Variants in NCMAP observed in about 807,000 individuals in gnomAD.
NCMAP encodes noncompact myelin-associated protein.
A neutral mutation model predicts 7.8 loss-of-function variants in NCMAP; 8 were observed. The observed-to-expected ratio is 1.02, with a 90% CI of 0.60 to 1.84. The LOEUF is 1.84. Ranked by LOEUF, NCMAP falls within the 40% of genes most tolerant of loss-of-function variation. The pLI is 0.00. For synonymous variants in NCMAP, 41 were observed against 52.9 expected, an observed-to-expected ratio of 0.78 and a Z score of 0.98; for missense variants, 112 against 131.4, an observed-to-expected ratio of 0.85 and a Z score of 0.72.
intron 1 of NCMAP, among the ~76,000 whole-genome samples, chr1:24,587,245 G>A (rs1287858241): frequency 1.3e-5 from 2 of 152,182 alleles, no homozygotes; most frequent in South Asian, 2.1e-4. Context: ...ACCATCACCC[G>A]AAGGCTTGTT....
At position 24,607,411 on chromosome 1, in the gene NCMAP, A is replaced by G. The variant is rs1468723426; in HGVS notation, c.*1664A>G. 1 of 152,110 alleles carries G rather than the reference A, an allele frequency of 6.6e-6. No homozygotes were observed. The highest frequency in any genetic ancestry group is 1.5e-5 in the Non-Finnish European group (1 of 68,024). The allele number at this position is 152,110 out of a possible 1,614,324, so 9.4% of individuals were successfully genotyped here. A position where few individuals can be genotyped will look rare whatever the true frequency, so the allele number is the denominator to read the frequency against. On this transcript the variant is annotated 3_prime_UTR_variant, in exon 4 of 4. Coordinates refer to ENST00000374392, the MANE Select transcript of NCMAP (RefSeq NM_001010980.5). ...AACATATCTTGCAATTGATGGGTTC[A>G]TTAATATAATTGTAGTTCTTTACTT...
At chr1:24,605,249 CAAT>C (rs1294634814) in intron 3 of NCMAP, among the ~76,000 whole-genome samples, 1 of 151,972 alleles carries the variant, frequency 6.6e-6, no homozygotes, top group African/African-American at 2.4e-5. Flanking sequence ...ATATTTCTAG[CAAT>C]AAACTTAGCA....
intron 1 of NCMAP, among the ~76,000 whole-genome samples, chr1:24,572,769 G>T (rs1465089744): frequency 4.0e-5 from 6 of 150,666 alleles, no homozygotes; most frequent in Admixed American, 3.9e-4. Context: ...CGCACGTTCC[G>T]CACGTCCTAA....
At chr1:24,592,004 G>T (rs540229423) in intron 1 of NCMAP, among the ~76,000 whole-genome samples, 5 of 152,348 alleles carry the variant, frequency 3.3e-5, no homozygotes, top group African/African-American at 9.6e-5. Context: ...TCAGAGCTGG[G>T]AGAGCAGGAA....
chr1:24,579,795 A>G (rs1017498753), intron 1 of NCMAP, among the ~76,000 whole-genome samples: 2 of 152,236 alleles, frequency 1.3e-5, no homozygotes, highest in Non-Finnish European at 2.9e-5. Context: ...GAGCTTGTCA[A>G]CTAGCAGCCT....
intron 3 of NCMAP, 135 bp downstream of exon 3, chr1:24,601,159 G>T: frequency 1.5e-6 from 1 of 676,882 alleles, no homozygotes; most frequent in African/African-American, 1.8e-5. Flanking sequence ...CTAACCCTTG[G>T]GGATCCTTTT....
chr1:24,559,107 G>A (rs1263462193), intron 1 of NCMAP, among the ~76,000 whole-genome samples: 2 of 152,120 alleles, frequency 1.3e-5, no homozygotes, highest in African/African-American at 4.8e-5. Context: ...CCTGTTGCTG[G>A]CCAGAAGTGC....
rs1429234592 is a variant in NCMAP, at chr1:24,574,556, A to G, written c.-8+18387A>G. 2.0e-5 allele frequency among the ~76,000 whole-genome samples: 3 copies of G among 152,218 alleles called. No individual in the cohort carries two copies. In the East Asian group the frequency reaches 5.8e-4, roughly 29 times the overall value. Reference sequence around the variant, plus strand: ...GACTTCGCAGCCTCCACGATTGCATAAGCCCATTCCCTTAGTAAGTCCCCT... The same window carrying G: ...GACTTCGCAGCCTCCACGATTGCATGAGCCCATTCCCTTAGTAAGTCCCCT... On this transcript the variant is annotated intron_variant, in intron 1 of 3. Coordinates refer to ENST00000374392, the MANE Select transcript of NCMAP (RefSeq NM_001010980.5).
intron 1 of NCMAP, among the ~76,000 whole-genome samples, chr1:24,569,823 C>T (rs1198504753): frequency 2.7e-5 from 4 of 150,766 alleles, no homozygotes; most frequent in Admixed American, 2.0e-4. Flanking sequence ...TTAAATGCTC[C>T]TCTTACTTTC....
chr1:24,568,024 C>T (rs985658445), intron 1 of NCMAP, among the ~76,000 whole-genome samples: 1 of 152,096 alleles, frequency 6.6e-6, no homozygotes, highest in East Asian at 1.9e-4. Context: ...GTCACACTCC[C>T]GTGACCGCTC....
intron 1 of NCMAP, among the ~76,000 whole-genome samples, chr1:24,592,978 G>A (rs1445646471): frequency 2.6e-5 from 4 of 151,878 alleles, no homozygotes; most frequent in Non-Finnish European, 5.9e-5. Flanking sequence ...TCAGGAGTTT[G>A]AGACTAGCCT....
chr1:24,578,320 T>A (rs375778673), intron 1 of NCMAP, among the ~76,000 whole-genome samples: 2 of 151,294 alleles, frequency 1.3e-5, no homozygotes, highest in Admixed American at 6.6e-5. Context: ...TCCCGGGGGC[T>A]TTGCTGGCCC....
chr1:24,604,773 G>A (rs1218964384), intron 3 of NCMAP, among the ~76,000 whole-genome samples: 1 of 149,734 alleles, frequency 6.7e-6, no homozygotes, highest in Non-Finnish European at 1.5e-5. Context: ...CTTGCCAGGA[G>A]TTCAAGACCA....
chr1:24,558,965 TAAAA>T (rs35378487), intron 1 of NCMAP, among the ~76,000 whole-genome samples: 1 of 148,458 alleles, frequency 6.7e-6, no homozygotes, highest in African/African-American at 2.5e-5. Flanking sequence ...TTTAATTTCT[TAAAA>T]AAAAAACCTC....
intron 1 of NCMAP, among the ~76,000 whole-genome samples, chr1:24,592,117 G>T (rs917227617): frequency 1.3e-5 from 2 of 152,240 alleles, no homozygotes; most frequent in African/African-American, 4.8e-5. Flanking sequence ...GACCAAATAT[G>T]ATGGGGGAAG....
intron 1 of NCMAP, among the ~76,000 whole-genome samples, chr1:24,564,511 C>T (rs1372033384): frequency 3.3e-5 from 1 of 30,684 alleles, no homozygotes; most frequent in Non-Finnish European, 5.4e-5. Flanking sequence ...GAGATTCTGT[C>T]TCAAAAAAAA....
At position 24,576,514 on chromosome 1, in the gene NCMAP, A is replaced by G. The variant is rs56030698; in HGVS notation, c.-7-18910A>G. ...GTTCCTTCTGGAATGGAGGGTGTGG[A>G]GGCAAACAAGCCTCGGGGAGGGTGT... On this transcript the variant is annotated intron_variant, in intron 1 of 3. Coordinates refer to ENST00000374392, the MANE Select transcript of NCMAP (RefSeq NM_001010980.5). The surrounding 1 kb of genome is among the most constrained non-coding windows in gnomAD (Gnocchi z 4.0). 0.087 allele frequency among the ~76,000 whole-genome samples: 13,199 copies of G among 152,052 alleles called. 644 individuals are homozygous for G. Among genetic ancestry groups the G allele is most frequent in the Middle Eastern group, 0.15 (45 of 294 alleles).
At chr1:24,566,982 A>G (rs1651245631) in intron 1 of NCMAP, among the ~76,000 whole-genome samples, 1 of 152,106 alleles carries the variant, frequency 6.6e-6, no homozygotes, top group Non-Finnish European at 1.5e-5. Flanking sequence ...TCCAAGTCCA[A>G]GCAATGTAAA....
At chr1:24,563,052 A>G (rs1037150862) in intron 1 of NCMAP, among the ~76,000 whole-genome samples, 2 of 152,270 alleles carry the variant, frequency 1.3e-5, no homozygotes, top group Non-Finnish European at 2.9e-5. Context: ...AAGATAAATC[A>G]AACCACATAT....
Sources: allele counts gnomAD v4.1 joint callset (sites outside exome capture counted in the v4.1 genomes callset), GRCh38; gene constraint gnomAD v4.1.1; non-coding constraint Gnocchi (gnomAD v3.1); transcripts MANE v1.5; gene names NCBI Gene and HGNC (gene_info 2026-07-23, HGNC 2026-07-21).